PTPRN2: variants seen among roughly 807,000 people sequenced by gnomAD.
The protein encoded by PTPRN2 is receptor-type tyrosine-protein phosphatase N2.
Under a neutral mutation model 118.8 loss-of-function variants are expected in PTPRN2, and 74 were observed. The observed-to-expected ratio is 0.62, with a 90% CI of 0.52 to 0.76. PTPRN2 has a LOEUF of 0.76. Among genes scored for constraint, PTPRN2 ranks in the 30% least tolerant of loss-of-function variants. The pLI is 0.00. For missense variants in PTPRN2, 1,481 were observed against 1,394.4 expected, an observed-to-expected ratio of 1.06 and a Z score of -0.99; for synonymous variants, 641 against 608.0, an observed-to-expected ratio of 1.05 and a Z score of -0.80.
intron 12 of PTPRN2, among the ~76,000 whole-genome samples, chr7:157,848,214 G>A (rs1481383100): frequency 6.8e-6 from 1 of 147,190 alleles, no homozygotes; most frequent in African/African-American, 2.5e-5. Context: ...CCTCATGGGT[G>A]CCGTATGTTT....
chr7:157,874,314 T>C lies in PTPRN2; in HGVS notation c.1788+24359A>G, dbSNP rs186235101. Among the ~76,000 whole-genome samples the C allele has an allele frequency of 5.3e-5, 8 of 152,234 alleles. No homozygotes were observed. The highest frequency in any genetic ancestry group is 4.6e-4 in the Admixed American group (7 of 15,286). The stretch of plus-strand genomic sequence containing the variant: ...CTAAGCCTGGACTGCAGTGCTCCAC[T>C]TGGCCTCGCCCACCTCTCAGCCCAT... On this transcript the variant is annotated intron_variant, in intron 12 of 22. Transcript: ENST00000389418. This position sits in a 1 kb window ranked among gnomAD's most constrained non-coding sequence, Gnocchi z 5.8.
intron 11 of PTPRN2, among the ~76,000 whole-genome samples, chr7:157,925,185 G>A (rs1798904291): frequency 6.8e-6 from 1 of 146,774 alleles, no homozygotes; most frequent in Non-Finnish European, 1.5e-5. Flanking sequence ...TAGTCAGGAT[G>A]CAGGCACCTG....
In PTPRN2 at chr7:157,582,039, T is replaced by C. The variant is rs1585060933; in HGVS notation, c.2497-3899A>G. ...CGGAGAGCGTGGCCCTGCTCACACCTGGATCTCAGACTACCAGGCTCCAGA... is the reference window on the plus strand; with the variant it reads ...CGGAGAGCGTGGCCCTGCTCACACCCGGATCTCAGACTACCAGGCTCCAGA... On this transcript the variant is annotated intron_variant, in intron 17 of 22. Transcript: ENST00000389418. Among the ~76,000 whole-genome samples, 3 of 152,226 alleles carry C rather than the reference T, an allele frequency of 2.0e-5. No homozygotes were observed. The East Asian group carries it at 5.8e-4, about 29-fold the overall frequency.
At chr7:157,605,697 A>G (rs1295652150) in intron 15 of PTPRN2, among the ~76,000 whole-genome samples, 1 of 152,178 alleles carries the variant, frequency 6.6e-6, no homozygotes, top group Non-Finnish European at 1.5e-5. Flanking sequence ...TTCAGCTCCT[A>G]GCAAAGGGGA....
At chr7:157,776,195 C>T in intron 12 of PTPRN2, among the ~76,000 whole-genome samples, 1 of 140,148 alleles carries the variant, frequency 7.1e-6, no homozygotes, top group Admixed American at 7.0e-5. Context: ...TCCTTCACTT[C>T]CTCCCTCTCC....
chr7:157,656,615 G>T, intron 13 of PTPRN2, 64 bp from the exon 14 acceptor site: 1 of 1,399,780 alleles, frequency 7.1e-7, no homozygotes, highest in Non-Finnish European at 9.7e-7. Flanking sequence ...CAGGACGAGG[G>T]CCACGGCACC....
At chr7:157,748,577 G>T (rs61675900) in intron 12 of PTPRN2, among the ~76,000 whole-genome samples, 2,207 of 122,632 alleles carry the variant, frequency 0.018, 119 homozygotes, top group African/African-American at 0.07. Flanking sequence ...GAGCTCTGGG[G>T]TGTCTGGGTG....
At chr7:158,226,778 G>T (rs1179049137) in intron 3 of PTPRN2, among the ~76,000 whole-genome samples, 1 of 151,388 alleles carries the variant, frequency 6.6e-6, no homozygotes, top group Non-Finnish European at 1.5e-5. Flanking sequence ...TCGCGTGGGA[G>T]CCTCTCACGT....
chr7:158,276,222 AGGTAGCACCCCCACATCCCGGTCCT>A (rs549847524), intron 3 of PTPRN2, among the ~76,000 whole-genome samples: 3,445 of 87,408 alleles, frequency 0.039, 407 homozygotes, highest in African/African-American at 0.12. Flanking sequence ...GCAGGCTGTA[AGGTAGCACCCCCACATCCCGGTCCT>A]GGTAGCACCC....
intron 3 of PTPRN2, among the ~76,000 whole-genome samples, chr7:158,229,306 G>A (rs1829018773): frequency 6.6e-6 from 1 of 152,096 alleles, no homozygotes; most frequent in Admixed American, 6.5e-5. Flanking sequence ...CAAGACTGGA[G>A]TAAATAAATA....
chr7:158,018,652 G>C (rs117230977), intron 11 of PTPRN2, among the ~76,000 whole-genome samples: 44 of 152,158 alleles, frequency 2.9e-4, no homozygotes, highest in Non-Finnish European at 5.1e-4. Context: ...CGTTCAGTTT[G>C]TTTCTCTTTA....
At chr7:158,552,220 T>C (rs73730406) in intron 1 of PTPRN2, among the ~76,000 whole-genome samples, 6 of 151,748 alleles carry the variant, frequency 4.0e-5, no homozygotes, top group African/African-American at 1.5e-4. Flanking sequence ...TTCTAATGCA[T>C]GCATTTGGGG....
intron 3 of PTPRN2, among the ~76,000 whole-genome samples, chr7:158,234,984 G>C (rs376283844): frequency 7.0e-4 from 106 of 152,206 alleles, no homozygotes; most frequent in African/African-American, 2.5e-3. Context: ...GGCTGGTCTC[G>C]ATCTCCTGAC....
rs1262840006 is a variant in PTPRN2, at chr7:158,134,010, G to C, written c.1223C>G (p.Ser408Cys). 1.3e-5 allele frequency: 21 copies of C among 1,614,022 alleles called. No individual in the cohort carries two copies. The highest frequency in any genetic ancestry group is 1.8e-5 in the Non-Finnish European group (21 of 1,180,050). Residue 408 changes from serine to cysteine, a missense_variant, in exon 9 of 23, where the codon TCT (serine) becomes TGT (cysteine). Coordinates refer to ENST00000389418, the MANE Select transcript of PTPRN2 (RefSeq NM_002847.5). ...GGGGAGGGCTCCAGGTAAGAGTCGA[G>C]ACCCGTGGTCCTGCAGGAGGCCCCC... ...TLGGLLQDHG[S>C]RLLPGALPFA... is the part of the protein sequence containing the mutation.
At chr7:157,889,205 C>T (rs554239092) in intron 12 of PTPRN2, among the ~76,000 whole-genome samples, 3 of 152,142 alleles carry the variant, frequency 2.0e-5, no homozygotes, top group South Asian at 2.1e-4. Context: ...GAGTTGGGAC[C>T]GTGACAGGAT....
intron 4 of PTPRN2, among the ~76,000 whole-genome samples, chr7:158,195,592 A>G (rs1439152547): frequency 6.7e-6 from 1 of 149,748 alleles, no homozygotes; most frequent in African/African-American, 2.5e-5. Context: ...TGGCCTTTAG[A>G]TGTGTCCCAT....
intron 12 of PTPRN2, among the ~76,000 whole-genome samples, chr7:157,687,874 T>G (rs1471261842): frequency 6.6e-6 from 1 of 152,276 alleles, no homozygotes; most frequent in East Asian, 1.9e-4. Context: ...GAACTACTTT[T>G]AATTTGGAAT....
intron 12 of PTPRN2, among the ~76,000 whole-genome samples, chr7:157,840,218 CGTGTGACTGTGTGACTGT>C (rs1251113020): frequency 1.7e-5 from 2 of 121,014 alleles, no homozygotes; most frequent in Non-Finnish European, 3.4e-5. Context: ...TGTGTGGCCA[CGTGTGACTGTGTGACTGT>C]GTGTGACTGT....
intron 3 of PTPRN2, among the ~76,000 whole-genome samples, chr7:158,271,833 G>A (rs747835384): frequency 1.3e-4 from 20 of 152,116 alleles, no homozygotes; most frequent in African/African-American, 3.6e-4. Context: ...TAGCCCATCC[G>A]TGAGGCTCTT....
Sources: gnomAD v4.1 joint callset for allele counts (sites outside exome capture counted in the v4.1 genomes callset) on GRCh38, gnomAD v4.1.1 for gene constraint, Gnocchi (gnomAD v3.1) non-coding constraint, MANE v1.5 for transcripts, NCBI Gene and HGNC (gene_info 2026-07-23, HGNC 2026-07-21) for gene names.